MYOM1: variants seen among roughly 807,000 people sequenced by gnomAD.
The protein encoded by MYOM1 is myomesin-1.
In MYOM1, 164 loss-of-function variants were observed where a neutral mutation model predicts 205.3. The ratio of observed to expected loss-of-function variants is 0.80; its 90% confidence interval spans 0.70 to 0.91. MYOM1 has a LOEUF of 0.91. Ranked by LOEUF, MYOM1 falls within the 40% of genes least tolerant of loss-of-function variation. The pLI is 0.00. For missense variants in MYOM1, 2,011 were observed against 2,127.3 expected (o/e 0.95, Z 1.08); for synonymous variants, 772 against 789.4 (o/e 0.98, Z 0.37).
intron 2 of MYOM1, among the ~76,000 whole-genome samples, chr18:3,202,536 T>C (rs1456418723): frequency 1.3e-5 from 2 of 152,170 alleles, no homozygotes; most frequent in East Asian, 1.9e-4. Flanking sequence ...AAACATAATA[T>C]ACTTTACATC....
intron 26 of MYOM1, among the ~76,000 whole-genome samples, chr18:3,091,063 C>G (rs774225646): frequency 4.6e-5 from 7 of 152,042 alleles, no homozygotes; most frequent in African/African-American, 4.8e-5. Flanking sequence ...CGCCTGTAAT[C>G]CCAGCACTTT....
At position 3,164,305 on chromosome 18, in the gene MYOM1, G is replaced by A; in HGVS notation, c.1474C>T (p.Gln492Ter). ...CGAACAAAGACATAAGCACTATATTGTTCATAATATTCTCCCATCCGTACA... is the reference window on the plus strand; with the variant it reads ...CGAACAAAGACATAAGCACTATATTATTCATAATATTCTCCCATCCGTACA... ...IRVRMGEYYE[Q>*]YSAYVFVRDA... Residue 492 changes from glutamine (Q) to a stop codon, truncating the protein, a stop_gained, in exon 10 of 38, where the codon CAA (glutamine) becomes TAA (stop). Transcript: ENST00000356443. LOFTEE classifies it high-confidence loss of function. 4 of 1,612,994 alleles carry A rather than the reference G, an allele frequency of 2.5e-6. No homozygotes were observed. The highest frequency in any genetic ancestry group is 3.4e-6 in the Non-Finnish European group (4 of 1,179,444).
chr18:3,068,180 T>C (rs944318483), intron 37 of MYOM1, among the ~76,000 whole-genome samples: 5 of 152,208 alleles, frequency 3.3e-5, no homozygotes, highest in Non-Finnish European at 7.3e-5. Flanking sequence ...GATATGTATG[T>C]AGACACAAGG....
chr18:3,131,038 G>T (rs374115817), intron 17 of MYOM1, among the ~76,000 whole-genome samples: 2 of 152,220 alleles, frequency 1.3e-5, no homozygotes, highest in East Asian at 3.8e-4. Context: ...TGTGTTATGG[G>T]TGATATACCA....
At chr18:3,143,143 G>A (rs2080076024) in intron 13 of MYOM1, among the ~76,000 whole-genome samples, 1 of 152,116 alleles carries the variant, frequency 6.6e-6, no homozygotes, top group Non-Finnish European at 1.5e-5. Context: ...AAAGCAGATA[G>A]AGAAGACACA....
At chr18:3,105,600 A>G (rs945261268) in intron 22 of MYOM1, among the ~76,000 whole-genome samples, 21 of 152,308 alleles carry the variant, frequency 1.4e-4, no homozygotes, top group African/African-American at 4.8e-4. Context: ...CATGCCTGTA[A>G]TCACAGCACT....
At chr18:3,166,525 AT>A (rs1161278414) in intron 9 of MYOM1, among the ~76,000 whole-genome samples, 1 of 151,656 alleles carries the variant, frequency 6.6e-6, no homozygotes, top group African/African-American at 2.4e-5. Context: ...ACCTCAAGTG[AT>A]CTGCCCACCT....
intron 37 of MYOM1, among the ~76,000 whole-genome samples, chr18:3,070,111 C>A (rs541403227): frequency 6.6e-6 from 1 of 152,326 alleles, no homozygotes; most frequent in South Asian, 2.1e-4. Context: ...AATATCTCTA[C>A]CCCTAGGACT....
intron 10 of MYOM1, among the ~76,000 whole-genome samples, chr18:3,157,200 G>A (rs972043197): frequency 1.3e-5 from 2 of 152,188 alleles, no homozygotes; most frequent in African/African-American, 2.4e-5. Flanking sequence ...GCAGGAATAC[G>A]CTGTAATGGA....
chr18:3,067,471 C>G lies in MYOM1; in HGVS notation c.4849G>C (p.Asp1617His). The G allele has an allele frequency of 6.2e-7, 1 of 1,613,786 alleles. No individual in the cohort carries two copies. Among genetic ancestry groups the G allele is most frequent in the Non-Finnish European group, 8.5e-7 (1 of 1,179,906 alleles). The part of the protein sequence containing the change: ...LKNEKALASD[D>H]HCNLKFEAGR... Reference sequence around the variant, plus strand: ...GCCTCGAACTTGAGGTTGCAGTGGTCGTCTGAGGCCAGGGCCTTCTCGTTC... The same window carrying G: ...GCCTCGAACTTGAGGTTGCAGTGGTGGTCTGAGGCCAGGGCCTTCTCGTTC... Residue 1617 changes from aspartate (D) to histidine (H), a missense_variant, in exon 38 of 38, where the codon GAC (aspartate) becomes CAC (histidine). Physicochemically the swap from Asp to His is moderately conservative, Grantham distance 81 (BLOSUM62 -1). Coordinates refer to ENST00000356443, the MANE Select transcript of MYOM1 (RefSeq NM_003803.4).
chr18:3,197,659 G>T lies in MYOM1; in HGVS notation c.291-3701C>A, dbSNP rs540539863. ...GAGGCCAAGGCGGGCGGATCACGAGGTCAGGAGATCGAGACCATCCTAGCT... is the reference window on the plus strand; with the variant it reads ...GAGGCCAAGGCGGGCGGATCACGAGTTCAGGAGATCGAGACCATCCTAGCT... On this transcript the variant is annotated intron_variant, in intron 2 of 37. Transcript: ENST00000356443. Among the ~76,000 whole-genome samples the T allele has an allele frequency of 9.0e-3, 1,371 of 151,960 alleles. 12 individuals are homozygous for T. Among genetic ancestry groups the T allele is most frequent in the Middle Eastern group, 0.017 (5 of 292 alleles).
rs150293314 is a variant in MYOM1, at chr18:3,160,387, T to C, written c.1501+3891A>G. On this transcript the variant is annotated intron_variant, in intron 10 of 37. Transcript: ENST00000356443. ...TTTTTGTAGAGATGGGGTCTTGCTA[T>C]GTGGCCCAGGCTGGTCTCACACTCC... Among the ~76,000 whole-genome samples the C allele has an allele frequency of 9.7e-4, 148 of 152,232 alleles. 1 individual carries two copies. In the South Asian group the frequency reaches 0.014, roughly 14 times the overall value.
chr18:3,081,152 G>A (rs532114145), intron 33 of MYOM1, among the ~76,000 whole-genome samples: 1 of 151,892 alleles, frequency 6.6e-6, no homozygotes, highest in African/African-American at 2.4e-5. Flanking sequence ...AAAAGAGAGA[G>A]AGTTAAACAG....
chr18:3,197,897 G>T (rs1196081280), intron 2 of MYOM1, among the ~76,000 whole-genome samples: 2 of 151,746 alleles, frequency 1.3e-5, no homozygotes, highest in African/African-American at 4.8e-5. Flanking sequence ...AAAAGAAAAA[G>T]AAATGTTACT....
chr18:3,148,755 A>G (rs1174649849), intron 13 of MYOM1, among the ~76,000 whole-genome samples: 3 of 143,176 alleles, frequency 2.1e-5, no homozygotes, highest in Admixed American at 1.5e-4. Flanking sequence ...CTGAGGCAGG[A>G]GAATGGCGTG....
intron 34 of MYOM1, among the ~76,000 whole-genome samples, chr18:3,078,336 C>G (rs1426062254): frequency 1.3e-5 from 2 of 152,080 alleles, no homozygotes; most frequent in Non-Finnish European, 2.9e-5. Flanking sequence ...GCCACCATGC[C>G]CACCTGAGAT....
rs1598736587 is a variant in MYOM1 at position 3,164,496 on chromosome 18, T to C, written c.1340-57A>G. ...TTATTTTTGTTTTATAACTTCCTTC[T>C]TGTCTCCCCTCCATTCCTCTCCTTA... On this transcript the variant is annotated intron_variant, in intron 9 of 37. Coordinates refer to ENST00000356443, the MANE Select transcript of MYOM1 (RefSeq NM_003803.4). 7 of 1,462,962 alleles carry C rather than the reference T, an allele frequency of 4.8e-6. No individual in the cohort carries two copies. In the East Asian group the frequency reaches 1.7e-4, roughly 36 times the overall value. 90.6% of individuals were successfully genotyped at this position (1,462,962 alleles called of 1,614,324 possible).
At chr18:3,088,915 T>C (rs1007196812) in intron 29 of MYOM1, among the ~76,000 whole-genome samples, 5 of 152,372 alleles carry the variant, frequency 3.3e-5, no homozygotes, top group African/African-American at 1.2e-4. Context: ...TGGAGATTAC[T>C]AATTAGATAA....
At chr18:3,210,511 A>G (rs780381252) in intron 2 of MYOM1, among the ~76,000 whole-genome samples, 1 of 152,104 alleles carries the variant, frequency 6.6e-6, no homozygotes, top group Non-Finnish European at 1.5e-5. Flanking sequence ...GCAAATATCT[A>G]TGTCTGATTC....
Sources: gnomAD v4.1 joint callset for allele counts (sites outside exome capture counted in the v4.1 genomes callset) on GRCh38, gnomAD v4.1.1 for gene constraint, MANE v1.5 for transcripts, NCBI Gene and HGNC (gene_info 2026-07-23, HGNC 2026-07-21) for gene names.